Variants in ENTPD3 observed in about 807,000 individuals in gnomAD.
ENTPD3 encodes the protein ectonucleoside triphosphate diphosphohydrolase 3.
Under a neutral mutation model 51.2 loss-of-function variants are expected in ENTPD3, and 60 were observed. That is an observed-to-expected ratio of 1.17 (90% CI 0.95 to 1.45). ENTPD3 has a LOEUF of 1.45. Among genes scored for constraint, ENTPD3 ranks in the 40% most tolerant of loss-of-function variants. The pLI is 0.00. For synonymous variants in ENTPD3, 221 were observed against 238.4 expected (o/e 0.93, Z 0.67); for missense variants, 593 against 641.1 (o/e 0.93, Z 0.81).
chr3:40,399,661 C>G (rs1955295696), intron 3 of ENTPD3: 1 of 152,196 alleles, frequency 6.6e-6, no homozygotes, highest in South Asian at 2.1e-4. Context: ...CTTAGGTATG[C>G]ATTGCTAATT....
intron 3 of ENTPD3, among the ~76,000 whole-genome samples, chr3:40,393,793 T>A (rs527362603): frequency 6.6e-6 from 1 of 152,012 alleles, no homozygotes; most frequent in Admixed American, 6.6e-5. Flanking sequence ...GTATATAAAA[T>A]TGGGACTTTG....
chr3:40,411,089 G>A (rs1041782084), intron 4 of ENTPD3, among the ~76,000 whole-genome samples: 2 of 151,936 alleles, frequency 1.3e-5, no homozygotes, highest in Non-Finnish European at 2.9e-5. Flanking sequence ...TCAGGAGTTC[G>A]AGACCAGCCT....
chr3:40,418,171 G>A (rs1279044146), intron 7 of ENTPD3, among the ~76,000 whole-genome samples: 1 of 152,164 alleles, frequency 6.6e-6, no homozygotes, highest in African/African-American at 2.4e-5. Flanking sequence ...CACAGGGACA[G>A]GGACACATGT....
intron 2 of ENTPD3, among the ~76,000 whole-genome samples, chr3:40,389,299 A>G (rs1490953969): frequency 6.6e-6 from 1 of 152,220 alleles, no homozygotes; most frequent in East Asian, 1.9e-4. Context: ...AAGCTAATGC[A>G]AAAGTTTGCC....
rs370566412 is a variant in ENTPD3, at chr3:40,411,980, C to A, written c.437+18C>A. The A allele has an allele frequency of 1.2e-6, 2 of 1,600,278 alleles. No individual in the cohort carries two copies. The highest frequency in any genetic ancestry group is 2.7e-5 in the African/African-American group (2 of 74,496). On this transcript the variant is annotated intron_variant, in intron 5 of 10. Transcript: ENST00000301825. ...TTGCTGAGGTAAAGGCTAAGTGGCACAAAGGAGCCCATTTGACCAAAATAA... is the reference window on the plus strand; with the variant it reads ...TTGCTGAGGTAAAGGCTAAGTGGCAAAAAGGAGCCCATTTGACCAAAATAA...
At chr3:40,423,668 T>C in intron 9 of ENTPD3, 158 bp from the exon 10 acceptor site, 1 of 438,590 alleles carries the variant, frequency 2.3e-6, no homozygotes, top group Non-Finnish European at 3.0e-6. Context: ...AGGGATATTT[T>C]CATAATTATA....
At chr3:40,409,228 GACA>G (rs1955572368) in intron 4 of ENTPD3, among the ~76,000 whole-genome samples, 2 of 151,950 alleles carry the variant, frequency 1.3e-5, no homozygotes, top group South Asian at 4.2e-4. Flanking sequence ...CTCCAGCCTG[GACA>G]ACAAGAGCAA....
chr3:40,411,191 T>G (rs1327807000), intron 4 of ENTPD3, among the ~76,000 whole-genome samples: 1 of 150,380 alleles, frequency 6.6e-6, no homozygotes, highest in Non-Finnish European at 1.5e-5. Flanking sequence ...CTCATGAAAC[T>G]GAGGCAGGAG....
chr3:40,412,313 G>T (rs1159186278), intron 5 of ENTPD3, among the ~76,000 whole-genome samples: 1 of 152,152 alleles, frequency 6.6e-6, no homozygotes, highest in Non-Finnish European at 1.5e-5. Context: ...GCTAAGTTTG[G>T]TAGTAAGTAC....
At chr3:40,420,593 T>C (rs1165571667) in intron 7 of ENTPD3, among the ~76,000 whole-genome samples, 1 of 152,128 alleles carries the variant, frequency 6.6e-6, no homozygotes, top group African/African-American at 2.4e-5. Context: ...TATGATATGC[T>C]ATAGATTATA....
Position 40,414,591 on chromosome 3 carries a change from T to C in ENTPD3, c.438-90T>C, listed in dbSNP as rs571512761. On this transcript the variant is annotated intron_variant, in intron 5 of 10. Coordinates refer to ENST00000301825, the MANE Select transcript of ENTPD3 (RefSeq NM_001248.4). Reference sequence around the variant, plus strand: ...TTCATCCCCACCAGCAGGGAGACGGTGAAGTTTGCATTTTCACCTGAGTGA... The same window carrying C: ...TTCATCCCCACCAGCAGGGAGACGGCGAAGTTTGCATTTTCACCTGAGTGA... 1.7e-5 allele frequency: 23 copies of C among 1,391,824 alleles called. No homozygotes were observed. In the African/African-American group the frequency reaches 3.1e-4, roughly 19 times the overall value. 86.2% of individuals were successfully genotyped at this position (1,391,824 alleles called of 1,614,324 possible). A position where few individuals can be genotyped will look rare whatever the true frequency, so the allele number is the denominator to read the frequency against.
intron 10 of ENTPD3, chr3:40,425,050 C>T (rs1402937051): frequency 6.8e-6 from 2 of 293,452 alleles, no homozygotes; most frequent in African/African-American, 4.3e-5. Context: ...TTTGAGTTGA[C>T]ATAATATTCT....
In ENTPD3 at chr3:40,414,634, C is replaced by T. The variant is rs1158248418; in HGVS notation, c.438-47C>T. 3.1e-6 allele frequency: 5 copies of T among 1,602,562 alleles called. No individual in the cohort carries two copies. The African/African-American group carries it at 4.0e-5, about 13-fold the overall frequency. On this transcript the variant is annotated intron_variant, in intron 5 of 10. Transcript: ENST00000301825. The stretch of plus-strand genomic sequence containing the variant: ...CTGAGTGAGACTATGTATTTTAAGA[C>T]TGTATTGTCTGGGCACTCAGACTTG...
intron 4 of ENTPD3, among the ~76,000 whole-genome samples, chr3:40,402,302 A>G (rs1955381271): frequency 6.6e-6 from 1 of 151,318 alleles, no homozygotes; most frequent in Non-Finnish European, 1.5e-5. Context: ...TATTTTTAGT[A>G]TAGATGGGGT....
At chr3:40,387,587 T>C (rs1954968089) in intron 1 of ENTPD3, among the ~76,000 whole-genome samples, 1 of 152,102 alleles carries the variant, frequency 6.6e-6, no homozygotes, top group African/African-American at 2.4e-5. Flanking sequence ...GACATCCCTT[T>C]GCAATTTCCA....
rs935063994 is a variant in ENTPD3, at chr3:40,427,631, C to T, written c.*123C>T. 46 of 714,888 alleles carry T rather than the reference C, an allele frequency of 6.4e-5. No individual in the cohort carries two copies. Among genetic ancestry groups the T allele is most frequent in the Middle Eastern group, 3.8e-4 (1 of 2,608 alleles). The allele number at this position is 714,888 out of a possible 1,614,324, so 44.3% of individuals were successfully genotyped here. A position where few individuals can be genotyped will look rare whatever the true frequency, so the allele number is the denominator to read the frequency against. The stretch of plus-strand genomic sequence containing the variant: ...TAACTAAAATCAAACACCTAGGTCA[C>T]GTGCCTCTCAAATACTGATTTCTGC... On this transcript the variant is annotated 3_prime_UTR_variant, in exon 11 of 11. Transcript: ENST00000301825.
At chr3:40,401,212 G>T (rs769584499) in intron 4 of ENTPD3, among the ~76,000 whole-genome samples, 16 of 152,158 alleles carry the variant, frequency 1.1e-4, no homozygotes, top group Non-Finnish European at 2.2e-4. Flanking sequence ...CCTTCTCTGG[G>T]CCTCAGTGTT....
chr3:40,422,872 T>A lies in ENTPD3; in HGVS notation c.854T>A (p.Leu285His), dbSNP rs74928753. The A allele has an allele frequency of 1.2e-6, 2 of 1,612,762 alleles. No individual in the cohort carries two copies. Among genetic ancestry groups the A allele is most frequent in the Non-Finnish European group, 1.7e-6 (2 of 1,179,820 alleles). The change falls in exon 8 of 11, where the codon CTC becomes CAC. Residue 285 changes from leucine to histidine, a missense_variant. Leu to His is a moderately conservative substitution (Grantham distance 99). Transcript: ENST00000301825. ...CAGAATTCTCCTACCAAAAACCATC[T>A]CACCAATCCCTGTTACCCTCGGGAT... ...LLQNSPTKNH[L>H]TNPCYPRDYS... is the part of the protein sequence containing the mutation.
chr3:40,407,559 G>A (rs1955532809), intron 4 of ENTPD3, among the ~76,000 whole-genome samples: 1 of 152,118 alleles, frequency 6.6e-6, no homozygotes, highest in African/African-American at 2.4e-5. Context: ...TAGGCAAGTC[G>A]GGAGTTCGGG....
Sources: allele counts gnomAD v4.1 joint callset (sites outside exome capture counted in the v4.1 genomes callset), GRCh38; gene constraint gnomAD v4.1.1; transcripts MANE v1.5; gene names NCBI Gene and HGNC (gene_info 2026-07-23, HGNC 2026-07-21).